ZDHHC14: variants seen among roughly 807,000 people sequenced by gnomAD.
The protein encoded by ZDHHC14 is zDHHC palmitoyltransferase 14, also known as palmitoyltransferase ZDHHC14.
A neutral mutation model predicts 47.7 loss-of-function variants in ZDHHC14; 16 were observed. That is an observed-to-expected ratio of 0.34 (90% CI 0.23 to 0.51). ZDHHC14 has a LOEUF of 0.51. Among genes scored for constraint, ZDHHC14 ranks in the 20% least tolerant of loss-of-function variants. The probability of loss-of-function intolerance (pLI) is 0.97; values close to 1 mark genes in which losing one functional copy is unlikely to be tolerated. For synonymous variants in ZDHHC14, 293 were observed against 278.9 expected, an observed-to-expected ratio of 1.05 and a Z score of -0.50; for missense variants, 515 against 662.5, an observed-to-expected ratio of 0.78 and a Z score of 2.44.
chr6:157,469,208 C>A (rs568258016), intron 1 of ZDHHC14, among the ~76,000 whole-genome samples: 2 of 152,304 alleles, frequency 1.3e-5, no homozygotes, highest in South Asian at 2.1e-4. Flanking sequence ...CTAAACATTT[C>A]TTCATCCTAT....
At chr6:157,485,113 T>TAAACA (rs200066802) in intron 1 of ZDHHC14, among the ~76,000 whole-genome samples, 4,364 of 151,980 alleles carry the variant, frequency 0.029, 222 homozygotes, top group African/African-American at 0.099. Flanking sequence ...CCAATAAAAA[T>TAAACA]AAATAAAATA....
chr6:157,589,326 C>G (rs1173436835), intron 2 of ZDHHC14, among the ~76,000 whole-genome samples: 3 of 152,118 alleles, frequency 2.0e-5, no homozygotes, highest in African/African-American at 7.2e-5. Flanking sequence ...GATTACAATT[C>G]AACATAAGAT....
intron 3 of ZDHHC14, among the ~76,000 whole-genome samples, chr6:157,607,439 CCTCT>C (rs1422363426): frequency 6.6e-6 from 1 of 152,190 alleles, no homozygotes; most frequent in African/African-American, 2.4e-5. Flanking sequence ...CCTTCCGCTT[CCTCT>C]CTCTCTTCCT....
intron 1 of ZDHHC14, among the ~76,000 whole-genome samples, chr6:157,536,496 G>A (rs1415769606): frequency 6.6e-6 from 1 of 152,122 alleles, no homozygotes; most frequent in African/African-American, 2.4e-5. Flanking sequence ...GCTATATCTT[G>A]TTAATATTGT....
intron 3 of ZDHHC14, among the ~76,000 whole-genome samples, chr6:157,620,055 A>G (rs1450474970): frequency 6.6e-6 from 1 of 152,242 alleles, no homozygotes; most frequent in African/African-American, 2.4e-5. Flanking sequence ...TACCTGATAC[A>G]TTGCTTTACC....
chr6:157,585,413 C>CAAAAAAAAAAAAAA (rs111505965), intron 2 of ZDHHC14, among the ~76,000 whole-genome samples: 1 of 98,836 alleles, frequency 1.0e-5, no homozygotes, highest in African/African-American at 3.5e-5. Context: ...ACCAAAAATA[C>CAAAAAAAAAAAAAA]AAAAAAAAAA....
chr6:157,397,942 AC>A (rs939445999), intron 1 of ZDHHC14, among the ~76,000 whole-genome samples: 4 of 152,022 alleles, frequency 2.6e-5, no homozygotes, highest in African/African-American at 7.2e-5. Flanking sequence ...GGGGAGACAA[AC>A]CCAACTGCCA....
chr6:157,470,263 A>G (rs1233848935), intron 1 of ZDHHC14, among the ~76,000 whole-genome samples: 2 of 152,238 alleles, frequency 1.3e-5, no homozygotes, highest in African/African-American at 4.8e-5. Context: ...GAAGGAACCA[A>G]AATTAAATGT....
chr6:157,471,118 G>A (rs553024670), intron 1 of ZDHHC14, among the ~76,000 whole-genome samples: 134 of 152,286 alleles, frequency 8.8e-4, no homozygotes, highest in Admixed American at 4.2e-3. Context: ...CTGACACAGA[G>A]GTCCATGGTC....
At chr6:157,626,649 T>C (rs992455042) in intron 3 of ZDHHC14, among the ~76,000 whole-genome samples, 1 of 152,146 alleles carries the variant, frequency 6.6e-6, no homozygotes, top group Non-Finnish European at 1.5e-5. Context: ...TTTGGCAGGA[T>C]TGATGAACGT....
At chr6:157,530,647 C>T (rs191074449) in intron 1 of ZDHHC14, among the ~76,000 whole-genome samples, 1 of 152,292 alleles carries the variant, frequency 6.6e-6, no homozygotes, top group Non-Finnish European at 1.5e-5. Context: ...CCATTTTCTC[C>T]TGAAATACCT....
intron 2 of ZDHHC14, among the ~76,000 whole-genome samples, chr6:157,569,010 A>G (rs9331347): frequency 0.2 from 30,647 of 151,890 alleles, 3,615 homozygotes; most frequent in East Asian, 0.51. Context: ...ATATGTTACA[A>G]ATATTTTTCT....
At chr6:157,418,596 A>G (rs368050575) in intron 1 of ZDHHC14, among the ~76,000 whole-genome samples, 11 of 152,220 alleles carry the variant, frequency 7.2e-5, no homozygotes, top group African/African-American at 2.4e-4. Flanking sequence ...GCTTGTTCAT[A>G]TTTTGGGAAC....
rs1778933424 is a variant in ZDHHC14 at position 157,674,350 on chromosome 6, T to A, written c.*1228T>A. The stretch of plus-strand genomic sequence containing the variant: ...CAGAAAATGAGGAGGAGAAATCGGC[T>A]TACAGTCTAAGCTGAGATCATGTAG... On this transcript the variant is annotated 3_prime_UTR_variant, in exon 9 of 9. Coordinates refer to ENST00000359775, the MANE Select transcript of ZDHHC14 (RefSeq NM_024630.3). 1 of 152,190 alleles carries A rather than the reference T, an allele frequency of 6.6e-6. No homozygotes were observed. Among genetic ancestry groups the A allele is most frequent in the African/African-American group, 2.4e-5 (1 of 41,440 alleles). 9.4% of individuals were successfully genotyped at this position (152,190 alleles called of 1,614,324 possible).
chr6:157,571,634 AC>A (rs1783100329), intron 2 of ZDHHC14, among the ~76,000 whole-genome samples: 1 of 152,130 alleles, frequency 6.6e-6, no homozygotes, highest in Non-Finnish European at 1.5e-5. Context: ...AGCTAATGGT[AC>A]TGAAATGCAG....
chr6:157,540,910 G>GTGTGTGTGTGTGTGTGTGTATA (rs1284429244), intron 1 of ZDHHC14, among the ~76,000 whole-genome samples: 19 of 122,964 alleles, frequency 1.5e-4, no homozygotes, highest in African/African-American at 7.8e-4. Flanking sequence ...GTGTGTGTGT[G>GTGTGTGTGTGTGTGTGTGTATA]TATATATATA....
intron 1 of ZDHHC14, among the ~76,000 whole-genome samples, chr6:157,408,415 G>T (rs752665653): frequency 2.0e-5 from 3 of 152,120 alleles, no homozygotes; most frequent in Non-Finnish European, 4.4e-5. Context: ...TAGGTATTAA[G>T]GTCAGCATTC....
Position 157,496,905 on chromosome 6 carries a change from C to T in ZDHHC14, c.246-45680C>T, listed in dbSNP as rs550102625. Among the ~76,000 whole-genome samples the T allele has an allele frequency of 2.0e-5, 3 of 152,324 alleles. No individual in the cohort carries two copies. In the South Asian group the frequency reaches 6.2e-4, roughly 32 times the overall value. On this transcript the variant is annotated intron_variant, in intron 1 of 8. Coordinates refer to ENST00000359775, the MANE Select transcript of ZDHHC14 (RefSeq NM_024630.3). ...TGGCAGTCATATGGCATTTCCTCCA[C>T]CATTTCCTCTTGCTCTCCTCTTCCT...
chr6:157,562,261 G>A (rs1237394566), intron 2 of ZDHHC14, among the ~76,000 whole-genome samples: 1 of 152,140 alleles, frequency 6.6e-6, no homozygotes, highest in Admixed American at 6.5e-5. Flanking sequence ...CCACAGCCCT[G>A]GGCAATGAAG....
Sources: gnomAD v4.1 joint callset for allele counts (sites outside exome capture counted in the v4.1 genomes callset) on GRCh38, gnomAD v4.1.1 for gene constraint, MANE v1.5 for transcripts, NCBI Gene and HGNC (gene_info 2026-07-23, HGNC 2026-07-21) for gene names.